DOCK2: variants seen among roughly 807,000 people sequenced by gnomAD.
DOCK2 encodes the protein dedicator of cytokinesis protein 2.
DOCK2 carries 87 observed loss-of-function variants against 248.9 expected under a neutral mutation model. That is an observed-to-expected ratio of 0.35 (90% CI 0.29 to 0.42). The LOEUF (loss-of-function observed/expected upper bound fraction) is 0.42, where lower values mean the gene tolerates loss of function less well. Ranked by LOEUF, DOCK2 falls within the 10% of genes least tolerant of loss-of-function variation. The pLI is 1.00. For missense variants in DOCK2, 1,747 were observed against 2,300.2 expected (o/e 0.76, Z 4.92); for synonymous variants, 805 against 821.6 (o/e 0.98, Z 0.35).
intron 25 of DOCK2, among the ~76,000 whole-genome samples, chr5:169,762,469 CTT>C (rs1292807612): frequency 2.6e-5 from 4 of 152,184 alleles, no homozygotes; most frequent in African/African-American, 9.7e-5. Flanking sequence ...TGGCAGAAGA[CTT>C]AGAGTTCCCT....
chr5:169,832,453 G>A (rs1326300425), intron 26 of DOCK2, among the ~76,000 whole-genome samples: 1 of 152,200 alleles, frequency 6.6e-6, no homozygotes, highest in African/African-American at 2.4e-5. Flanking sequence ...ATAGAGCAGT[G>A]CCACCCACCC....
intron 25 of DOCK2, among the ~76,000 whole-genome samples, chr5:169,776,035 T>C (rs2113785663): frequency 6.6e-6 from 1 of 152,076 alleles, no homozygotes; most frequent in East Asian, 1.9e-4. Flanking sequence ...GAGTTGATTG[T>C]AAGACATTTG....
intron 27 of DOCK2, among the ~76,000 whole-genome samples, chr5:169,922,222 C>A (rs1283482936): frequency 6.6e-6 from 1 of 152,050 alleles, no homozygotes; most frequent in Non-Finnish European, 1.5e-5. Context: ...GTGCACATTG[C>A]CTAAAGGTAT....
chr5:169,706,595 T>C (rs1339765793), intron 14 of DOCK2, among the ~76,000 whole-genome samples: 1 of 152,188 alleles, frequency 6.6e-6, no homozygotes, highest in Non-Finnish European at 1.5e-5. Flanking sequence ...TAGAAAGACT[T>C]TGGAAGCATG....
chr5:169,860,983 G>A (rs765808339), intron 27 of DOCK2, among the ~76,000 whole-genome samples: 3 of 152,106 alleles, frequency 2.0e-5, no homozygotes, highest in Non-Finnish European at 2.9e-5. Flanking sequence ...AAAATTAAGG[G>A]GGAAATAAAG....
chr5:169,814,580 G>A (rs1370067285), intron 26 of DOCK2, among the ~76,000 whole-genome samples: 1 of 152,168 alleles, frequency 6.6e-6, no homozygotes, highest in Admixed American at 6.5e-5. Context: ...ATTCTACTCT[G>A]GTAATGTAAG....
chr5:169,724,178 C>G (rs1762350652), intron 22 of DOCK2, among the ~76,000 whole-genome samples: 1 of 152,144 alleles, frequency 6.6e-6, no homozygotes, highest in African/African-American at 2.4e-5. Flanking sequence ...ACTGGAGGGG[C>G]TGACGTACTG....
At chr5:169,828,479 A>G (rs1769016004) in intron 26 of DOCK2, among the ~76,000 whole-genome samples, 1 of 152,146 alleles carries the variant, frequency 6.6e-6, no homozygotes, top group South Asian at 2.1e-4. Flanking sequence ...AAATGAGGAT[A>G]GTAGACCTTT....
intron 26 of DOCK2, among the ~76,000 whole-genome samples, chr5:169,827,759 G>A (rs1464048739): frequency 6.6e-6 from 1 of 152,182 alleles, no homozygotes; most frequent in Non-Finnish European, 1.5e-5. Flanking sequence ...GGAGGAAAAG[G>A]GAGCACACAG....
chr5:170,018,889 C>T, intron 32 of DOCK2, 71 bp from the exon 33 acceptor site: 1 of 1,548,332 alleles, frequency 6.5e-7, no homozygotes, highest in Non-Finnish European at 8.7e-7. Flanking sequence ...TTTCTTTCCC[C>T]AGGCTTGGTC....
intron 10 of DOCK2, 69 bp from the exon 11 acceptor site, chr5:169,698,305 C>A: frequency 6.6e-7 from 1 of 1,513,714 alleles, no homozygotes; most frequent in South Asian, 1.1e-5. Context: ...CCCATAAGCT[C>A]ATCCCACTGT....
chr5:170,016,304 G>T (rs949121323), intron 32 of DOCK2, among the ~76,000 whole-genome samples: 3 of 152,212 alleles, frequency 2.0e-5, no homozygotes, highest in Admixed American at 6.5e-5. Context: ...ACAGCAGCAG[G>T]TGTGTCTCTT....
chr5:169,823,297 G>A (rs1203607446), intron 26 of DOCK2, among the ~76,000 whole-genome samples: 1 of 152,106 alleles, frequency 6.6e-6, no homozygotes, highest in African/African-American at 2.4e-5. Flanking sequence ...TGGTACCAAA[G>A]CCTGGCAGAG....
chr5:169,778,526 G>T (rs1352151080), intron 25 of DOCK2, among the ~76,000 whole-genome samples: 1 of 152,210 alleles, frequency 6.6e-6, no homozygotes, highest in Non-Finnish European at 1.5e-5. Flanking sequence ...ACACCTGTAA[G>T]ACTTTGGGGG....
rs189525252 is a variant in DOCK2, at chr5:169,741,448, G to A, written c.2268-5948G>A. Among the ~76,000 whole-genome samples, 420 of 152,310 alleles carry A rather than the reference G, an allele frequency of 2.8e-3. 2 individuals carry two copies. Among genetic ancestry groups the A allele is most frequent in the Non-Finnish European group, 4.1e-3 (281 of 68,034 alleles). ...CTTGGTCCCAGGTTGTGGGGTGGGA[G>A]GGAGAGAGGGAGAGAATACACATCA... On this transcript the variant is annotated intron_variant, in intron 22 of 51. Transcript: ENST00000520908.
At position 169,747,438 on chromosome 5, in the gene DOCK2, G is replaced by A; in HGVS notation, c.2310G>A (p.Met770Ile). 1 of 1,613,784 alleles carries A rather than the reference G, an allele frequency of 6.2e-7. No homozygotes were observed. Among genetic ancestry groups the A allele is most frequent in the East Asian group, 2.2e-5 (1 of 44,850 alleles). Residue 770 changes from methionine (M) to isoleucine (I), a missense_variant, in exon 23 of 52, where the codon ATG (methionine) becomes ATA (isoleucine). Around this residue, in one of 4 missense-constraint regions of DOCK2, gnomAD observed 858 missense variants for 1,183.5 expected, o/e 0.72. Transcript: ENST00000520908. ...AACAGATGGAGTTTGAAGAATCCATGAGACGGCTCTTTGAATCCATCAACA... is the reference window on the plus strand; with the variant it reads ...AACAGATGGAGTTTGAAGAATCCATAAGACGGCTCTTTGAATCCATCAACA... ...GKEQMEFEES[M>I]RRLFESINNL...
At chr5:170,033,330 T>G (rs1756209713) in intron 34 of DOCK2, among the ~76,000 whole-genome samples, 1 of 152,212 alleles carries the variant, frequency 6.6e-6, no homozygotes, top group Non-Finnish European at 1.5e-5. Context: ...ATTTTTATTT[T>G]TGTTTTTAAA....
At chr5:169,823,505 A>G (rs1336061901) in intron 26 of DOCK2, among the ~76,000 whole-genome samples, 1 of 152,192 alleles carries the variant, frequency 6.6e-6, no homozygotes, top group Non-Finnish European at 1.5e-5. Context: ...TATAAACAGA[A>G]CCAAAGACAA....
rs374263443 is a variant in DOCK2, at chr5:170,080,664, C to A, written c.5287+381C>A. On this transcript the variant is annotated intron_variant, in intron 50 of 51. Transcript: ENST00000520908. ...TCTTTGTGGACCTGGAAGACTCTTTCTGGCTTTACAGAAATGGCCACCACA... is the reference window on the plus strand; with the variant it reads ...TCTTTGTGGACCTGGAAGACTCTTTATGGCTTTACAGAAATGGCCACCACA... 1.6e-4 allele frequency: 34 copies of A among 210,040 alleles called. 1 individual carries two copies. Among genetic ancestry groups the A allele is most frequent in the African/African-American group, 6.7e-4 (30 of 44,836 alleles). The allele number at this position is 210,040 out of a possible 1,614,324, so 13.0% of individuals were successfully genotyped here.
Sources: gnomAD v4.1 joint callset for allele counts (sites outside exome capture counted in the v4.1 genomes callset) on GRCh38, gnomAD v4.1.1 for gene constraint, gnomAD v4.1.1 regional missense constraint, MANE v1.5 for transcripts, NCBI Gene and HGNC (gene_info 2026-07-23, HGNC 2026-07-21) for gene names.